Variants in NPLOC4 observed in about 807,000 individuals in gnomAD.
The protein encoded by NPLOC4 is NPL4 homolog, ubiquitin recognition factor, also known as nuclear protein localization protein 4 homolog.
In NPLOC4, 18 loss-of-function variants were observed where a neutral mutation model predicts 80.6. The ratio of observed to expected loss-of-function variants is 0.22; its 90% CI spans 0.15 to 0.33. The LOEUF is 0.33. NPLOC4 is among the 10% of genes least tolerant of loss of function. The pLI, the probability that NPLOC4 is intolerant of heterozygous loss-of-function variation, is 1.00. For missense variants in NPLOC4, 540 were observed against 786.1 expected (o/e 0.69, Z 3.74); for synonymous variants, 313 against 301.5 (o/e 1.04, Z -0.39).
chr17:81,586,022 T>C (rs2034574086), intron 12 of NPLOC4, among the ~76,000 whole-genome samples: 1 of 151,918 alleles, frequency 6.6e-6, no homozygotes, highest in Admixed American at 6.6e-5. Flanking sequence ...CAGTGTCTCA[T>C]GCATGTAATC....
chr17:81,588,799 G>A (rs2034658223), intron 12 of NPLOC4, 145 bp downstream of exon 12: 3 of 659,564 alleles, frequency 4.5e-6, no homozygotes, highest in African/African-American at 1.8e-5. Context: ...CCCCAGAAAC[G>A]TGACAGAAGC....
Position 81,560,002 on chromosome 17 carries a change from T to C in NPLOC4, c.1670-586A>G, listed in dbSNP as rs1392202753. On this transcript the variant is annotated intron_variant, in intron 16 of 16. Transcript: ENST00000331134. ...CACCCACCTTGGCCTCCCAAAGTGC[T>C]GGGATTATAGGTATGAGCCACCATG... 5.3e-5 allele frequency among the ~76,000 whole-genome samples: 8 copies of C among 151,448 alleles called. No homozygotes were observed. In the East Asian group the frequency reaches 1.6e-3, roughly 30 times the overall value.
rs71166157 is a variant in NPLOC4, at chr17:81,574,876, A to AACACAC, written c.1282-2794_1282-2789dup. ...AAGACTGTCTCCAAACAAACAAACA[A>AACACAC]ACACACACACACACACACACACACA... On this transcript the variant is annotated intron_variant, in intron 12 of 16. Transcript: ENST00000331134. Among the ~76,000 whole-genome samples, 48 of 149,030 alleles carry AACACAC rather than the reference A, an allele frequency of 3.2e-4. No individual in the cohort carries two copies. In the East Asian group the frequency reaches 5.5e-3, roughly 17 times the overall value.
intron 12 of NPLOC4, among the ~76,000 whole-genome samples, chr17:81,586,587 G>A (rs923480948): frequency 2.1e-5 from 3 of 145,024 alleles, no homozygotes; most frequent in Admixed American, 7.1e-5. Context: ...TCCAGCCTGG[G>A]TAACAGAGCA....
Position 81,596,207 on chromosome 17 carries a change from A to G in NPLOC4, c.1029T>C (p.Thr343=). The G allele has an allele frequency of 6.2e-7, 1 of 1,614,052 alleles. No homozygotes were observed. Among genetic ancestry groups the G allele is most frequent in the Non-Finnish European group, 8.5e-7 (1 of 1,179,890 alleles). Residue 343 remains threonine, a synonymous_variant, in exon 11 of 17, where the codon ACT becomes ACC. Transcript: ENST00000331134. ...GATGCTTGTTCTGGAAGTCTCCTGC[A>G]GTGATGCACTCTTCTGAACTTAGGA... ...TYFLSSEECI[T]AGDFQNKHPN...
intron 8 of NPLOC4, among the ~76,000 whole-genome samples, chr17:81,600,897 G>T (rs557243159): frequency 6.6e-6 from 1 of 152,278 alleles, no homozygotes; most frequent in Non-Finnish European, 1.5e-5. Flanking sequence ...CTCCTGCAGA[G>T]ACAATGCTTG....
intron 3 of NPLOC4, among the ~76,000 whole-genome samples, chr17:81,618,465 CA>C (rs1044630217): frequency 5.2e-4 from 76 of 145,792 alleles, no homozygotes; most frequent in Non-Finnish European, 9.3e-4. Flanking sequence ...GCCTGGCAGC[CA>C]CCCCGTCCGG....
chr17:81,629,536 A>G (rs1247983478), intron 2 of NPLOC4, among the ~76,000 whole-genome samples, 189 bp downstream of exon 2: 2 of 152,140 alleles, frequency 1.3e-5, no homozygotes, highest in African/African-American at 4.8e-5. Context: ...TATAATTTTG[A>G]GCAGTGATCA....
At chr17:81,574,555 G>A (rs1172582777) in intron 12 of NPLOC4, among the ~76,000 whole-genome samples, 6 of 152,170 alleles carry the variant, frequency 3.9e-5, no homozygotes, top group South Asian at 2.1e-4. Flanking sequence ...TTTGGCAGCC[G>A]TCAAAGTGTC....
chr17:81,629,559 A>G (rs532056584), intron 2 of NPLOC4, among the ~76,000 whole-genome samples, 166 bp downstream of exon 2: 5 of 152,310 alleles, frequency 3.3e-5, no homozygotes, highest in African/African-American at 7.2e-5. Context: ...TGTGACAAAC[A>G]TCTCATCCTA....
At position 81,619,932 on chromosome 17, in the gene NPLOC4, G is replaced by A. The variant is rs1333356951; in HGVS notation, c.209+2234C>T. On this transcript the variant is annotated intron_variant, in intron 3 of 16. Transcript: ENST00000331134. ...ACCCCATGGTCCTGCTGAGGGAATG[G>A]CCTGAGTCTGTCAGGCCTCTGTTTA... Among the ~76,000 whole-genome samples, 3 of 152,144 alleles carry A rather than the reference G, an allele frequency of 2.0e-5. No homozygotes were observed. The East Asian group carries it at 5.8e-4, about 29-fold the overall frequency.
chr17:81,615,832 C>T (rs2144265699), intron 3 of NPLOC4, among the ~76,000 whole-genome samples: 1 of 152,188 alleles, frequency 6.6e-6, no homozygotes, highest in South Asian at 2.1e-4. Context: ...ATCCAGTACA[C>T]AGCAAAAAAA....
rs959962747 is a variant in NPLOC4, at chr17:81,610,573, G to A, written c.387-315C>T. 4.6e-5 allele frequency among the ~76,000 whole-genome samples: 7 copies of A among 152,226 alleles called. No individual in the cohort carries two copies. The East Asian group carries it at 1.2e-3, about 25-fold the overall frequency. ...CTCCAGGTGTACACCACCACACCCAGAAGTTTACTACTTATGTTGATATGA... is the reference window on the plus strand; with the variant it reads ...CTCCAGGTGTACACCACCACACCCAAAAGTTTACTACTTATGTTGATATGA... On this transcript the variant is annotated intron_variant, in intron 4 of 16. Transcript: ENST00000331134.
intron 12 of NPLOC4, among the ~76,000 whole-genome samples, chr17:81,585,673 G>GGGGA (rs1491034496): frequency 7.5e-6 from 1 of 132,528 alleles, no homozygotes; most frequent in African/African-American, 3.1e-5. Context: ...GGGGGGGGGG[G>GGGGA]AAAGAAAGAA....
intron 7 of NPLOC4, among the ~76,000 whole-genome samples, chr17:81,605,119 C>T (rs1426214858): frequency 1.3e-5 from 2 of 151,262 alleles, no homozygotes; most frequent in Non-Finnish European, 2.9e-5. Flanking sequence ...TATAAAAATA[C>T]AAAAAATTAG....
rs2034047229 is a variant in NPLOC4 at position 81,567,613 on chromosome 17, G to A, written c.1450-80C>T. On this transcript the variant is annotated intron_variant, in intron 14 of 16. Coordinates refer to ENST00000331134, the MANE Select transcript of NPLOC4 (RefSeq NM_017921.4). This position sits in a 1 kb window ranked among gnomAD's most constrained non-coding sequence, Gnocchi z 4.5. ...CCGAAACAGAGCTGTTTCCTACTAA[G>A]ACGCAACTCAATACACTGAATGCTG... The A allele has an allele frequency of 6.1e-6, 5 of 822,954 alleles. No individual in the cohort carries two copies. The highest frequency in any genetic ancestry group is 4.6e-5 in the South Asian group (3 of 65,174). 51.0% of individuals were successfully genotyped at this position (822,954 alleles called of 1,614,324 possible). A position where few individuals can be genotyped will look rare whatever the true frequency, so the allele number is the denominator to read the frequency against.
intron 2 of NPLOC4, among the ~76,000 whole-genome samples, chr17:81,625,030 T>C (rs2035762481): frequency 6.6e-6 from 1 of 151,866 alleles, no homozygotes; most frequent in South Asian, 2.1e-4. Context: ...AGAGTGCCAA[T>C]TAGAGACAAG....
intron 13 of NPLOC4, among the ~76,000 whole-genome samples, chr17:81,571,291 A>G (rs567996524): frequency 2.0e-5 from 3 of 152,218 alleles, no homozygotes; most frequent in Non-Finnish European, 4.4e-5. Context: ...CTTTGGACAG[A>G]GCTCCGGTGG....
At position 81,567,358 on chromosome 17, in the gene NPLOC4, G is replaced by T; in HGVS notation, c.1566+59C>A. On this transcript the variant is annotated intron_variant, in intron 15 of 16. Transcript: ENST00000331134. This position sits in a 1 kb window ranked among gnomAD's most constrained non-coding sequence, Gnocchi z 4.5. ...CTGGGAGGAAAGAAAGCAAGACACAGGCGTCTCTTTGCAGCCAAAGCCCAC... is the reference window on the plus strand; with the variant it reads ...CTGGGAGGAAAGAAAGCAAGACACATGCGTCTCTTTGCAGCCAAAGCCCAC... 1 of 999,986 alleles carries T rather than the reference G, an allele frequency of 1.0e-6. No individual in the cohort carries two copies. Among genetic ancestry groups the T allele is most frequent in the Non-Finnish European group, 1.6e-6 (1 of 636,560 alleles). The allele number at this position is 999,986 out of a possible 1,614,324, so 61.9% of individuals were successfully genotyped here.
Sources: allele counts gnomAD v4.1 joint callset (sites outside exome capture counted in the v4.1 genomes callset), GRCh38; gene constraint gnomAD v4.1.1; non-coding constraint Gnocchi (gnomAD v3.1); transcripts MANE v1.5; gene names NCBI Gene and HGNC (gene_info 2026-07-23, HGNC 2026-07-21).